The following NR3C2 variants were observed in gnomAD, a reference collection of about 807,000 sequenced individuals.
NR3C2 encodes mineralocorticoid receptor.
A neutral mutation model predicts 86.4 loss-of-function variants in NR3C2; 15 were observed. The observed-to-expected ratio is 0.17, with a 90% CI of 0.12 to 0.27. The LOEUF (loss-of-function observed/expected upper bound fraction) is 0.27. Ranked by LOEUF, NR3C2 falls within the 10% of genes least tolerant of loss-of-function variation. The pLI, the probability that NR3C2 is intolerant of heterozygous loss-of-function variation, is 1.00. For synonymous variants in NR3C2, 458 were observed against 450.5 expected, an observed-to-expected ratio of 1.02 and a Z score of -0.21; for missense variants, 960 against 1,195.6, an observed-to-expected ratio of 0.80 and a Z score of 2.91.
At chr4:148,221,408 A>G (rs1737834869) in intron 3 of NR3C2, among the ~76,000 whole-genome samples, 1 of 152,220 alleles carries the variant, frequency 6.6e-6, no homozygotes, top group Admixed American at 6.5e-5. Flanking sequence ...TTATCATAAT[A>G]ATGTCATGAA....
intron 4 of NR3C2, among the ~76,000 whole-genome samples, chr4:148,167,611 T>G (rs1445080584): frequency 6.6e-6 from 1 of 152,230 alleles, no homozygotes; most frequent in East Asian, 1.9e-4. Flanking sequence ...TTAGAACTTA[T>G]CTAAGTATTT....
chr4:148,376,063 G>A (rs550477017), intron 2 of NR3C2, among the ~76,000 whole-genome samples: 1 of 150,880 alleles, frequency 6.6e-6, no homozygotes, highest in African/African-American at 2.4e-5. Context: ...GGTCATGAAA[G>A]GACATAGCTC....
At position 148,435,830 on chromosome 4, in the gene NR3C2, G is replaced by A. The variant is rs1385120749; in HGVS notation, c.1031C>T (p.Thr344Ile). The A allele has an allele frequency of 5.6e-6, 9 of 1,614,116 alleles. No homozygotes were observed. Among genetic ancestry groups the A allele is most frequent in the Non-Finnish European group, 7.6e-6 (9 of 1,180,052 alleles). The stretch of plus-strand genomic sequence containing the variant: ...GGATCCAGCAGAGGTGCCAGAAGCA[G>A]TGTAGCTGAAGGCATTGTTTACAGG... ...CSPVNNAFSY[T>I]ASGTSAGSST... Residue 344 changes from threonine to isoleucine, a missense_variant, in exon 2 of 9, where the codon ACT becomes ATT. This residue lies in a region of NR3C2 where 680 missense variants were observed against 719.0 expected (regional missense o/e 0.95). Coordinates refer to ENST00000358102, the MANE Select transcript of NR3C2 (RefSeq NM_000901.5).
At chr4:148,181,822 GA>G (rs1381190572) in intron 4 of NR3C2, among the ~76,000 whole-genome samples, 1 of 152,162 alleles carries the variant, frequency 6.6e-6, no homozygotes, top group African/African-American at 2.4e-5. Flanking sequence ...GGATTTTAAG[GA>G]AAAAGAATAG....
intron 2 of NR3C2, among the ~76,000 whole-genome samples, chr4:148,434,149 C>T (rs1749926607): frequency 6.6e-6 from 1 of 152,116 alleles, no homozygotes; most frequent in South Asian, 2.1e-4. Context: ...CCACATAGTT[C>T]TGGATGCCAA....
At chr4:148,232,684 A>C (rs545647331) in intron 3 of NR3C2, among the ~76,000 whole-genome samples, 3 of 152,164 alleles carry the variant, frequency 2.0e-5, no homozygotes, top group Admixed American at 1.3e-4. Flanking sequence ...TCTTCTAACT[A>C]TCAAAGTCAT....
At chr4:148,094,608 G>A (rs373520141) in intron 8 of NR3C2, among the ~76,000 whole-genome samples, 13 of 152,034 alleles carry the variant, frequency 8.6e-5, no homozygotes, top group South Asian at 2.1e-4. Flanking sequence ...CCAGTTACTC[G>A]GGAAGCTGAG....
At chr4:148,323,536 G>C (rs192977801) in intron 2 of NR3C2, among the ~76,000 whole-genome samples, 1 of 116,518 alleles carries the variant, frequency 8.6e-6, no homozygotes, top group Middle Eastern at 4.7e-3. Flanking sequence ...GCGAGACTCC[G>C]TGAGTGTAGG....
At chr4:148,289,070 C>CT in intron 2 of NR3C2, among the ~76,000 whole-genome samples, 1 of 152,134 alleles carries the variant, frequency 6.6e-6, no homozygotes, top group East Asian at 1.9e-4. Context: ...TTGAGTGGGT[C>CT]TTTGTCAGCT....
intron 2 of NR3C2, among the ~76,000 whole-genome samples, chr4:148,286,735 C>T (rs1365563205): frequency 1.3e-5 from 2 of 152,106 alleles, no homozygotes; most frequent in African/African-American, 4.8e-5. Context: ...AAAAATGCTT[C>T]TATGATTGTA....
At chr4:148,417,090 C>G (rs920735132) in intron 2 of NR3C2, among the ~76,000 whole-genome samples, 3 of 152,130 alleles carry the variant, frequency 2.0e-5, no homozygotes, top group Non-Finnish European at 4.4e-5. Flanking sequence ...ATTTGTTTTT[C>G]TATGAGCTGC....
rs530675090 is a variant in NR3C2, at chr4:148,342,430, A to T, written c.1758-82313T>A. Among the ~76,000 whole-genome samples the T allele has an allele frequency of 6.6e-5, 10 of 152,328 alleles. 1 individual carries two copies. In the South Asian group the frequency reaches 2.1e-3, roughly 32 times the overall value. ...CCTGAGCCATTATAAACACCTGATA[A>T]GAATTGGTTCAAGAGCTGTTGTTTT... On this transcript the variant is annotated intron_variant, in intron 2 of 8. Coordinates refer to ENST00000358102, the MANE Select transcript of NR3C2 (RefSeq NM_000901.5).
chr4:148,385,772 C>T (rs568961402), intron 2 of NR3C2, among the ~76,000 whole-genome samples: 31 of 152,238 alleles, frequency 2.0e-4, no homozygotes, highest in Non-Finnish European at 3.4e-4. Flanking sequence ...CACAGACACC[C>T]TATGCTGCTC....
chr4:148,420,549 C>T (rs373721505), intron 2 of NR3C2, among the ~76,000 whole-genome samples: 1 of 152,110 alleles, frequency 6.6e-6, no homozygotes, highest in Non-Finnish European at 1.5e-5. Context: ...ACTTTGTAAC[C>T]GGATCTTGAA....
At chr4:148,394,521 A>G (rs1412544419) in intron 2 of NR3C2, among the ~76,000 whole-genome samples, 1 of 116,152 alleles carries the variant, frequency 8.6e-6, no homozygotes, top group Non-Finnish European at 2.0e-5. Flanking sequence ...CTCTACTCAA[A>G]AAAAAAAAAA....
rs779949307 is a variant in NR3C2, at chr4:148,436,357, A to G, written c.504T>C (p.Ser168=). 1 of 1,614,102 alleles carries G rather than the reference A, an allele frequency of 6.2e-7. No individual in the cohort carries two copies. ...TGACGCCACCATTCACGGAGCTCCC[A>G]GAGTCAGACATAAATGATCTCAAGG... ...NTPLRSFMSD[S]GSSVNGGVMR... Residue 168 remains serine (S), a synonymous_variant, in exon 2 of 9, where the codon TCT becomes TCC. Transcript: ENST00000358102.
At chr4:148,363,311 C>G (rs1745934354) in intron 2 of NR3C2, among the ~76,000 whole-genome samples, 1 of 152,142 alleles carries the variant, frequency 6.6e-6, no homozygotes, top group East Asian at 1.9e-4. Context: ...TATCCCAAGT[C>G]AAAGTCCTGT....
chr4:148,296,065 A>AAAAAAAAT (rs1346230095), intron 2 of NR3C2, among the ~76,000 whole-genome samples: 1 of 151,210 alleles, frequency 6.6e-6, no homozygotes, highest in Non-Finnish European at 1.5e-5. Flanking sequence ...AAAAAAAAAA[A>AAAAAAAAT]AGAGAGAATG....
chr4:148,355,071 A>G (rs1374442429), intron 2 of NR3C2, among the ~76,000 whole-genome samples: 1 of 152,214 alleles, frequency 6.6e-6, no homozygotes, highest in Non-Finnish European at 1.5e-5. Context: ...AAATTAAATT[A>G]CCACTTGTTT....
Sources: allele counts gnomAD v4.1 joint callset (sites outside exome capture counted in the v4.1 genomes callset), GRCh38; gene constraint gnomAD v4.1.1; regional missense constraint gnomAD v4.1.1; transcripts MANE v1.5; gene names NCBI Gene and HGNC (gene_info 2026-07-23, HGNC 2026-07-21).